HNRNPH1: variants seen among roughly 807,000 people sequenced by gnomAD.
The protein encoded by HNRNPH1 is heterogeneous nuclear ribonucleoprotein H.
In HNRNPH1, 4 loss-of-function variants were observed where a neutral mutation model predicts 58.6. The observed-to-expected ratio is 0.07, with a 90% confidence interval of 0.03 to 0.16. The LOEUF (loss-of-function observed/expected upper bound fraction) is 0.16. Among genes scored for constraint, HNRNPH1 ranks in the 10% least tolerant of loss-of-function variants. The pLI, the probability that HNRNPH1 is intolerant of heterozygous loss-of-function variation, is 1.00. For missense variants in HNRNPH1, 271 were observed against 564.2 expected (o/e 0.48, Z 5.26); for synonymous variants, 192 against 189.2 (o/e 1.01, Z -0.12).
intron 11 of HNRNPH1, 57 bp downstream of exon 12, chr5:179,616,069 A>C: frequency 2.9e-6 from 4 of 1,390,098 alleles, no homozygotes; most frequent in Non-Finnish European, 4.1e-6. Flanking sequence ...CTCTAAGTAC[A>C]GTAATGAACA....
At chr5:179,616,793 AAT>A (rs547367272) in intron 10 of HNRNPH1, 74 bp downstream of exon 11, 21 of 1,249,476 alleles carry the variant, frequency 1.7e-5, no homozygotes, top group Non-Finnish European at 2.3e-5. Context: ...TTATTAAATA[AAT>A]AGATTAACTT....
chr5:179,622,516 G>A (rs998035921), intron 1 of HNRNPH1, among the ~76,000 whole-genome samples: 5 of 152,124 alleles, frequency 3.3e-5, no homozygotes, highest in Admixed American at 1.3e-4. Flanking sequence ...TTCGAGACCA[G>A]CCTGGCCAAA....
chr5:179,629,833 G>GTTAGTCT, intron 2 of HNRNPH1, among the ~76,000 whole-genome samples: 1 of 148,318 alleles, frequency 6.7e-6, no homozygotes, highest in African/African-American at 2.5e-5. Flanking sequence ...GACCAGCCTG[G>GTTAGTCT]CCAACATGGT....
chr5:179,632,351 C>G (rs955695569), intron 2 of HNRNPH1, among the ~76,000 whole-genome samples: 1 of 152,176 alleles, frequency 6.6e-6, no homozygotes, highest in African/African-American at 2.4e-5. Context: ...TCGGTTAGAG[C>G]CCGGGTATGG....
At chr5:179,623,602 G>C (rs891384006) in exon 1 of HNRNPH1, 1 of 157,020 alleles carries the variant, frequency 6.4e-6, no homozygotes, top group African/African-American at 2.4e-5. Context: ...CACCGTGGTC[G>C]CTGAACTGCA....
chr5:179,615,486 AT>A, intron 12 of HNRNPH1, 59 bp downstream of exon 13: 2 of 933,252 alleles, frequency 2.1e-6, no homozygotes, highest in East Asian at 4.9e-5. Flanking sequence ...TATAGAAAGC[AT>A]TATTACAACA....
chr5:179,619,441 G>A (rs368255507), intron 3 of HNRNPH1, 34 bp from the exon 5 acceptor site: 77 of 1,574,926 alleles, frequency 4.9e-5, no homozygotes, highest in Non-Finnish European at 6.1e-5. Flanking sequence ...CCAGTAGGGG[G>A]GCAATATTAA....
rs1022543018 is a variant in HNRNPH1 at position 179,623,201 on chromosome 5, T to A, written c.-68A>T. On this transcript the variant is annotated 5_prime_UTR_variant, in exon 1 of 13. Coordinates refer to ENST00000356731, the Ensembl canonical transcript of HNRNPH1. ...GGAGGACCAGAACTGAGAGCGCCAA[T>A]TAAGCTGTCCTTCGCCTCCGAGGCG... 2.5e-6 allele frequency: 3 copies of A among 1,204,532 alleles called. No homozygotes were observed. The East Asian group carries it at 8.2e-5, about 33-fold the overall frequency. The allele number at this position is 1,204,532 out of a possible 1,614,324, so 74.6% of individuals were successfully genotyped here.
intron 2 of HNRNPH1, among the ~76,000 whole-genome samples, chr5:179,632,424 G>C (rs1774919901): frequency 6.6e-6 from 1 of 152,240 alleles, no homozygotes; most frequent in African/African-American, 2.4e-5. Flanking sequence ...TGGGATCCCC[G>C]CGTCTCTCCG....
intron 8 of HNRNPH1, 50 bp downstream of exon 9, chr5:179,617,464 T>TA: frequency 6.3e-7 from 1 of 1,579,044 alleles, no homozygotes; most frequent in South Asian, 1.1e-5. Context: ...TTGTAAATGT[T>TA]AGTCACACAA....
chr5:179,615,781 C>G, intron 11 of HNRNPH1, 186 bp from the exon 13 acceptor site: 1 of 514,282 alleles, frequency 1.9e-6, no homozygotes, highest in South Asian at 3.4e-5. Flanking sequence ...AACCAAAAGA[C>G]AAAAAAGTGA....
In HNRNPH1 at chr5:179,616,080, G is replaced by A. The variant is rs753423144; in HGVS notation, c.1300+46C>T. On this transcript the variant is annotated intron_variant, in intron 11 of 12. Transcript: ENST00000356731. ...CTTACTCTAAGTACAGTAATGAACA[G>A]GCTTTACCATAACTTACTCTAAGTA... is the stretch of plus-strand genomic sequence containing the variant. 7.5e-6 allele frequency: 11 copies of A among 1,474,976 alleles called. 1 individual carries two copies. In the African/African-American group the frequency reaches 1.4e-4, roughly 19 times the overall value. 91.4% of individuals were successfully genotyped at this position (1,474,976 alleles called of 1,614,324 possible). A position where few individuals can be genotyped will look rare whatever the true frequency, so the allele number is the denominator to read the frequency against.
intron 3 of HNRNPH1, 191 bp from the exon 5 acceptor site, chr5:179,619,598 T>A: frequency 2.0e-6 from 1 of 506,216 alleles, no homozygotes; most frequent in Non-Finnish European, 3.5e-6. Context: ...TAACTATTCT[T>A]AACACACCCA....
At chr5:179,615,025 T>C in intron 12 of HNRNPH1, 66 bp from the exon 14 acceptor site, 2 of 1,007,598 alleles carry the variant, frequency 2.0e-6, no homozygotes, top group South Asian at 2.7e-5. Flanking sequence ...AAATATAGTA[T>C]TCCAAGAAAA....
chr5:179,627,193 T>C (rs998866696), upstream of HNRNPH1, among the ~76,000 whole-genome samples: 1 of 152,132 alleles, frequency 6.6e-6, no homozygotes, highest in Non-Finnish European at 1.5e-5. Context: ...ATTATTTTTG[T>C]GGTTTTGTGG....
intron 1 of HNRNPH1, chr5:179,622,079 T>C (rs1180999757): frequency 6.7e-6 from 3 of 445,040 alleles, no homozygotes; most frequent in Admixed American, 2.5e-5. Context: ...CCCAGTCTAA[T>C]AATAGGAACA....
chr5:179,616,806 A>T, intron 10 of HNRNPH1, 63 bp downstream of exon 11: 1 of 1,313,390 alleles, frequency 7.6e-7, no homozygotes, highest in Non-Finnish European at 1.1e-6. Context: ...AGATTAACTT[A>T]ACTTATAATT....
At chr5:179,621,661 C>T in intron 1 of HNRNPH1, 1 of 488,504 alleles carries the variant, frequency 2.0e-6, no homozygotes, top group Non-Finnish European at 3.7e-6. Flanking sequence ...CCTTGCTACT[C>T]ATGTCTACAT....
chr5:179,623,843 A>C (rs1773985837), exon 1 of HNRNPH1: 1 of 152,340 alleles, frequency 6.6e-6, no homozygotes, highest in Admixed American at 6.5e-5. Context: ...TTTTGGGCTC[A>C]GCACCCCCAC....
Sources: gnomAD v4.1 joint callset for allele counts (sites outside exome capture counted in the v4.1 genomes callset) on GRCh38, gnomAD v4.1.1 for gene constraint, MANE v1.5 for transcripts, NCBI Gene and HGNC (gene_info 2026-07-23, HGNC 2026-07-21) for gene names.